Variants in TSPAN9 observed in about 807,000 individuals in gnomAD.
TSPAN9 encodes the protein tetraspanin 9, also known as tetraspanin-9.
In TSPAN9, 16 loss-of-function variants were observed where a neutral mutation model predicts 31.0. The ratio of observed to expected loss-of-function variants is 0.52; its 90% CI spans 0.35 to 0.78. TSPAN9 has a LOEUF of 0.78. Ranked by LOEUF, TSPAN9 falls within the 30% of genes least tolerant of loss-of-function variation. The pLI is 0.01. For missense variants in TSPAN9, 272 were observed against 312.5 expected (o/e 0.87, Z 0.98); for synonymous variants, 145 against 121.6 (o/e 1.19, Z -1.27).
chr12:3,211,211 T>C (rs1394205510), intron 3 of TSPAN9, among the ~76,000 whole-genome samples: 1 of 152,238 alleles, frequency 6.6e-6, no homozygotes, highest in Non-Finnish European at 1.5e-5. Flanking sequence ...TATATTTGTA[T>C]ATAAGATAGG....
intron 3 of TSPAN9, among the ~76,000 whole-genome samples, chr12:3,266,292 C>T (rs892791620): frequency 1.3e-5 from 2 of 152,120 alleles, no homozygotes; most frequent in Non-Finnish European, 2.9e-5. Flanking sequence ...CACTGAACCT[C>T]GCTATGCTTG....
intron 2 of TSPAN9, among the ~76,000 whole-genome samples, chr12:3,146,117 G>C (rs536251850): frequency 6.6e-6 from 1 of 152,388 alleles, no homozygotes. Flanking sequence ...CTTGTCATCT[G>C]TAAAATGAGA....
chr12:3,078,604 G>A (rs1328141251), intron 1 of TSPAN9, among the ~76,000 whole-genome samples: 1 of 152,198 alleles, frequency 6.6e-6, no homozygotes, highest in Non-Finnish European at 1.5e-5. Flanking sequence ...AATGCAGCCA[G>A]AGAGGCAGAC....
intron 2 of TSPAN9, among the ~76,000 whole-genome samples, chr12:3,145,808 A>G (rs146411204): frequency 2.4e-3 from 364 of 152,336 alleles, no homozygotes; most frequent in Non-Finnish European, 4.2e-3. Flanking sequence ...TCAGGCTGGG[A>G]AATCGGAAAT....
intron 3 of TSPAN9, among the ~76,000 whole-genome samples, chr12:3,216,489 C>T (rs947671886): frequency 2.0e-5 from 3 of 152,288 alleles, no homozygotes; most frequent in Admixed American, 1.3e-4. Context: ...CTCCCTTTTA[C>T]CAGGATTTTC....
intron 3 of TSPAN9, among the ~76,000 whole-genome samples, chr12:3,265,754 A>G (rs7296720): frequency 0.17 from 26,009 of 152,150 alleles, 2,548 homozygotes; most frequent in East Asian, 0.36. Flanking sequence ...TTTGTCGAAC[A>G]TGTTTGATAA....
intron 2 of TSPAN9, among the ~76,000 whole-genome samples, chr12:3,185,470 C>T (rs1454741058): frequency 1.3e-5 from 2 of 152,136 alleles, no homozygotes; most frequent in Non-Finnish European, 2.9e-5. Context: ...CTCACTTTCC[C>T]CATGGCTGGT....
rs1435742971 is a variant in TSPAN9 at position 3,187,290 on chromosome 12, G to A, written c.-17-13887G>A. On this transcript the variant is annotated intron_variant, in intron 2 of 8. Transcript: ENST00000011898. This position sits in a 1 kb window ranked among gnomAD's most constrained non-coding sequence, Gnocchi z 5.2. ...GGATTGGCAGGGCTTGTCCTTTGGTGTTGTGATGTGGGGCGTCTCTGCTTT... is the reference window on the plus strand; with the variant it reads ...GGATTGGCAGGGCTTGTCCTTTGGTATTGTGATGTGGGGCGTCTCTGCTTT... Among the ~76,000 whole-genome samples the A allele has an allele frequency of 6.6e-6, 1 of 152,176 alleles. No homozygotes were observed. Among genetic ancestry groups the A allele is most frequent in the African/African-American group, 2.4e-5 (1 of 41,430 alleles).
At chr12:3,263,661 GT>G (rs1474429411) in intron 3 of TSPAN9, among the ~76,000 whole-genome samples, 1 of 152,212 alleles carries the variant, frequency 6.6e-6, no homozygotes, top group African/African-American at 2.4e-5. Flanking sequence ...GCCCAGCATT[GT>G]GCTTGATACT....
chr12:3,157,139 AC>A (rs1194495959), intron 2 of TSPAN9, among the ~76,000 whole-genome samples: 50 of 146,710 alleles, frequency 3.4e-4, no homozygotes, highest in African/African-American at 1.2e-3. Context: ...TCGCTCTGTC[AC>A]CCAGGCTGGA....
At chr12:3,282,201 G>C (rs1239291160) in intron 8 of TSPAN9, 1 of 586,494 alleles carries the variant, frequency 1.7e-6, no homozygotes, top group Non-Finnish European at 3.0e-6. Context: ...GTGACCGTGA[G>C]ACCACACCGG....
At chr12:3,083,522 T>C (rs10848788) in intron 1 of TSPAN9, 131 bp from the exon 2 acceptor site, 64,213 of 152,154 alleles carry the variant, frequency 0.42, 16,031 homozygotes, top group African/African-American at 0.7. Context: ...CATTTCTGGC[T>C]TTCTCCATTT....
Position 3,109,307 on chromosome 12 carries a change from A to AGAGAGAGTGTGTGT in TSPAN9, c.-18+25589_-18+25590insAGAGAGTGTGTGTG, listed in dbSNP as rs560687812. Among the ~76,000 whole-genome samples, 190 of 143,318 alleles carry AGAGAGAGTGTGTGT rather than the reference A, an allele frequency of 1.3e-3. 1 individual carries two copies. Among genetic ancestry groups the AGAGAGAGTGTGTGT allele is most frequent in the African/African-American group, 5.0e-3 (180 of 36,146 alleles). 94.0% of individuals were successfully genotyped at this position (143,318 alleles called of 152,430 possible). ...GTGTGTGTGTGTGTGTGTGAGAGAG[A>AGAGAGAGTGTGTGT]GTGTGTGTGTGTGTGTGTGTTTGTG... On this transcript the variant is annotated intron_variant, in intron 2 of 8. Coordinates refer to ENST00000011898, the MANE Select transcript of TSPAN9 (RefSeq NM_006675.5).
chr12:3,243,889 C>A lies in TSPAN9; in HGVS notation c.64-34532C>A, dbSNP rs1054768597. 2.0e-5 allele frequency among the ~76,000 whole-genome samples: 3 copies of A among 152,204 alleles called. 1 individual carries two copies. Among genetic ancestry groups the A allele is most frequent in the South Asian group, 4.1e-4 (2 of 4,838 alleles). On this transcript the variant is annotated intron_variant, in intron 3 of 8. Transcript: ENST00000011898. ...TGAGAAGACTTCTCTTATTGTACTA[C>A]CCCCTGCAGTCATCCTGGGGTTCTG...
At position 3,280,506 on chromosome 12, in the gene TSPAN9, G is replaced by A; in HGVS notation, c.432+23G>A. Reference sequence around the variant, plus strand: ...GAGGTGCGGGCTGGGCCGCCCTGGTGGGGCCAGGCAGGGAGGAGGGGTGGC... The same window carrying A: ...GAGGTGCGGGCTGGGCCGCCCTGGTAGGGCCAGGCAGGGAGGAGGGGTGGC... On this transcript the variant is annotated intron_variant, in intron 6 of 8. Coordinates refer to ENST00000011898, the MANE Select transcript of TSPAN9 (RefSeq NM_006675.5). The surrounding 1 kb of genome is among the most constrained non-coding windows in gnomAD (Gnocchi z 4.5). 1 of 1,604,904 alleles carries A rather than the reference G, an allele frequency of 6.2e-7. No individual in the cohort carries two copies. Among genetic ancestry groups the A allele is most frequent in the South Asian group, 1.1e-5 (1 of 90,524 alleles).
intron 3 of TSPAN9, among the ~76,000 whole-genome samples, chr12:3,273,952 G>A (rs1302022803): frequency 3.9e-5 from 6 of 152,196 alleles, no homozygotes; most frequent in Non-Finnish European, 8.8e-5. Flanking sequence ...CTTCCCCACC[G>A]CTGGAGGGAA....
At chr12:3,113,336 T>C (rs79462253) in intron 2 of TSPAN9, among the ~76,000 whole-genome samples, 5,026 of 152,186 alleles carry the variant, frequency 0.033, 270 homozygotes, top group African/African-American at 0.11. Context: ...GGTGGATGCC[T>C]GGGGAGGCTC....
chr12:3,224,004 A>G (rs1301981613), intron 3 of TSPAN9, among the ~76,000 whole-genome samples: 1 of 152,126 alleles, frequency 6.6e-6, no homozygotes, highest in South Asian at 2.1e-4. Context: ...TGTGCAGCCA[A>G]GGTTGAAGCT....
chr12:3,250,983 G>A (rs1009608742), intron 3 of TSPAN9, among the ~76,000 whole-genome samples: 8 of 152,128 alleles, frequency 5.3e-5, no homozygotes, highest in African/African-American at 1.2e-4. Flanking sequence ...GCCTCCTCCC[G>A]CTTCTGCCTT....
Sources: gnomAD v4.1 joint callset for allele counts (sites outside exome capture counted in the v4.1 genomes callset) on GRCh38, gnomAD v4.1.1 for gene constraint, Gnocchi (gnomAD v3.1) non-coding constraint, MANE v1.5 for transcripts, NCBI Gene and HGNC (gene_info 2026-07-23, HGNC 2026-07-21) for gene names.